The following AGBL1 variants were observed in gnomAD, a reference collection of about 807,000 sequenced individuals.
AGBL1 encodes AGBL carboxypeptidase 1.
Under a neutral mutation model 118.9 loss-of-function variants are expected in AGBL1, and 130 were observed. The observed-to-expected ratio is 1.09, with a 90% confidence interval of 0.95 to 1.26. The LOEUF is 1.26. Ranked by LOEUF, AGBL1 falls within the 50% of genes most tolerant of loss-of-function variation. AGBL1 has a pLI of 0.00. For synonymous variants in AGBL1, 555 were observed against 478.9 expected, an observed-to-expected ratio of 1.16 and a Z score of -2.08; for missense variants, 1,584 against 1,298.1, an observed-to-expected ratio of 1.22 and a Z score of -3.38.
In AGBL1 at chr15:86,822,237, A is replaced by G. The variant is rs138924004; in HGVS notation, c.3159-84850A>G. Among the ~76,000 whole-genome samples the G allele has an allele frequency of 4.5e-3, 685 of 152,236 alleles. 9 individuals are homozygous for G. Among genetic ancestry groups the G allele is most frequent in the African/African-American group, 0.016 (659 of 41,568 alleles). ...GTGGAGAATCTCCTAAGTTAGAGCA[A>G]TGGGTTGTTCTTGATCACACATGAT... On this transcript the variant is annotated intron_variant, in intron 22 of 22. Coordinates refer to ENST00000614907, the MANE Select transcript of AGBL1 (RefSeq NM_001386094.1).
chr15:86,672,629 A>T (rs2085767026), intron 21 of AGBL1, among the ~76,000 whole-genome samples: 1 of 152,154 alleles, frequency 6.6e-6, no homozygotes, highest in African/African-American at 2.4e-5. Flanking sequence ...CCATTCTAGA[A>T]TTGTATAAAA....
intron 5 of AGBL1, among the ~76,000 whole-genome samples, chr15:86,216,472 A>G (rs1233706397): frequency 6.6e-6 from 1 of 152,224 alleles, no homozygotes; most frequent in Non-Finnish European, 1.5e-5. Context: ...TAAGAAAAAT[A>G]TGATGGATTT....
chr15:86,579,495 A>G (rs990338784), intron 21 of AGBL1, among the ~76,000 whole-genome samples: 1 of 152,244 alleles, frequency 6.6e-6, no homozygotes, highest in South Asian at 2.1e-4. Flanking sequence ...TTCTCCACGT[A>G]AGTCTCAATG....
At chr15:86,744,264 A>T (rs1172997038) in intron 22 of AGBL1, among the ~76,000 whole-genome samples, 1 of 152,146 alleles carries the variant, frequency 6.6e-6, no homozygotes, top group African/African-American at 2.4e-5. Context: ...CTAGCTGACG[A>T]GCCCGCTTTG....
chr15:86,694,364 AG>A (rs780360436), intron 22 of AGBL1, among the ~76,000 whole-genome samples: 3 of 151,926 alleles, frequency 2.0e-5, no homozygotes, highest in Non-Finnish European at 4.4e-5. Context: ...GCTAACGTAA[AG>A]GGTGTTGAGT....
chr15:86,752,745 G>T (rs1467790126), intron 22 of AGBL1, among the ~76,000 whole-genome samples: 1 of 152,086 alleles, frequency 6.6e-6, no homozygotes, highest in Non-Finnish European at 1.5e-5. Context: ...TATTCTGGGA[G>T]AAAAAGTTGT....
chr15:86,914,264 G>T lies in AGBL1; in HGVS notation c.*6970G>T, dbSNP rs1302386619. 2 of 152,190 alleles carry T rather than the reference G, an allele frequency of 1.3e-5. No individual in the cohort carries two copies. The highest frequency in any genetic ancestry group is 4.8e-5 in the African/African-American group (2 of 41,442). 9.4% of individuals were successfully genotyped at this position (152,190 alleles called of 1,614,324 possible). On this transcript the variant is annotated 3_prime_UTR_variant, in exon 23 of 23. Transcript: ENST00000614907. ...CCCACCCACACTTCATTCTGAAGAGGAAGTTATTTTGGGAGGTATTAGAGG... is the reference window on the plus strand; with the variant it reads ...CCCACCCACACTTCATTCTGAAGAGTAAGTTATTTTGGGAGGTATTAGAGG...
intron 22 of AGBL1, among the ~76,000 whole-genome samples, chr15:86,856,177 T>A (rs1779616097): frequency 6.6e-6 from 1 of 152,174 alleles, no homozygotes; most frequent in Non-Finnish European, 1.5e-5. Context: ...TTTGTCCTCC[T>A]CCCTTTCTCT....
intron 5 of AGBL1, among the ~76,000 whole-genome samples, chr15:86,205,502 G>T (rs553781694): frequency 0.057 from 8,646 of 150,982 alleles, 351 homozygotes; most frequent in South Asian, 0.12. Flanking sequence ...TATAATAAAA[G>T]TTTGTTTAGC....
intron 17 of AGBL1, among the ~76,000 whole-genome samples, chr15:86,303,070 G>A (rs961840870): frequency 6.6e-6 from 1 of 152,106 alleles, no homozygotes; most frequent in Non-Finnish European, 1.5e-5. Context: ...CCAGCACAGA[G>A]GAACTCTGAA....
At chr15:86,317,710 T>A (rs1375737898) in intron 17 of AGBL1, among the ~76,000 whole-genome samples, 1 of 152,228 alleles carries the variant, frequency 6.6e-6, no homozygotes. Flanking sequence ...TATTTTAGAC[T>A]TTTTGTGCCA....
At chr15:86,447,385 G>T (rs2082134184) in intron 18 of AGBL1, among the ~76,000 whole-genome samples, 2 of 152,204 alleles carry the variant, frequency 1.3e-5, no homozygotes, top group Admixed American at 6.5e-5. Flanking sequence ...GCCTGAAGCT[G>T]TTGGGCACTG....
intron 18 of AGBL1, among the ~76,000 whole-genome samples, chr15:86,445,339 G>T (rs2082108901): frequency 6.6e-6 from 1 of 152,216 alleles, no homozygotes; most frequent in African/African-American, 2.4e-5. Context: ...ATGCTTCTGG[G>T]ATGAATGGAT....
intron 22 of AGBL1, among the ~76,000 whole-genome samples, chr15:86,885,166 A>T (rs575594370): frequency 5.9e-5 from 9 of 152,158 alleles, no homozygotes; most frequent in Non-Finnish European, 1.3e-4. Flanking sequence ...ATAATACAAT[A>T]TCATGGTTTT....
At chr15:86,471,648 A>G (rs1159619089) in intron 18 of AGBL1, among the ~76,000 whole-genome samples, 1 of 152,162 alleles carries the variant, frequency 6.6e-6, no homozygotes, top group African/African-American at 2.4e-5. Context: ...TGGTGAGGAC[A>G]GAGTATTACA....
chr15:86,577,286 C>A (rs1310945804), intron 21 of AGBL1, among the ~76,000 whole-genome samples: 3 of 152,036 alleles, frequency 2.0e-5, no homozygotes, highest in African/African-American at 7.2e-5. Context: ...GGCATTTTTC[C>A]CCTGCCCTAG....
At chr15:86,646,621 G>A (rs762754649) in intron 21 of AGBL1, among the ~76,000 whole-genome samples, 11 of 151,980 alleles carry the variant, frequency 7.2e-5, no homozygotes, top group Non-Finnish European at 1.6e-4. Flanking sequence ...TTGAACAATA[G>A]TATACTCTGC....
intron 22 of AGBL1, among the ~76,000 whole-genome samples, chr15:86,737,810 G>A (rs1024457143): frequency 2.0e-5 from 3 of 152,224 alleles, no homozygotes; most frequent in Non-Finnish European, 4.4e-5. Flanking sequence ...AAAAGCATTT[G>A]GTGTAAATGT....
At chr15:86,128,876 A>C (rs2076783075) in intron 1 of AGBL1, among the ~76,000 whole-genome samples, 1 of 152,208 alleles carries the variant, frequency 6.6e-6, no homozygotes, top group African/African-American at 2.4e-5. Flanking sequence ...CTGTGAGAAC[A>C]GAGACCTTAC....
Sources: gnomAD v4.1 joint callset for allele counts (sites outside exome capture counted in the v4.1 genomes callset) on GRCh38, gnomAD v4.1.1 for gene constraint, MANE v1.5 for transcripts, NCBI Gene and HGNC (gene_info 2026-07-23, HGNC 2026-07-21) for gene names.